SERINC5: variants seen among roughly 807,000 people sequenced by gnomAD.
The protein encoded by SERINC5 is chromosome 5 open reading frame 12.
SERINC5 carries 41 observed loss-of-function variants against 63.1 expected under a neutral mutation model. The ratio of observed to expected loss-of-function variants is 0.65; its 90% confidence interval spans 0.51 to 0.84. SERINC5 has a LOEUF of 0.84. Among genes scored for constraint, SERINC5 ranks in the 40% least tolerant of loss-of-function variants. The pLI, the probability that SERINC5 is intolerant of heterozygous loss-of-function variation, is 0.00. For synonymous variants in SERINC5, 222 were observed against 215.2 expected (o/e 1.03, Z -0.28); for missense variants, 523 against 573.0 (o/e 0.91, Z 0.89).
chr5:80,253,184 T>C (rs1411737021), intron 1 of SERINC5, among the ~76,000 whole-genome samples: 1 of 152,174 alleles, frequency 6.6e-6, no homozygotes, highest in African/African-American at 2.4e-5. Flanking sequence ...CTCTGAAATA[T>C]ACCCAAAGCC....
intron 8 of SERINC5, chr5:80,156,969 CTTTA>C (rs1261229796): frequency 1.4e-5 from 2 of 142,872 alleles, no homozygotes; most frequent in East Asian, 4.2e-4. Flanking sequence ...CCAAACTCTA[CTTTA>C]TTTAAAGGGT....
intron 2 of SERINC5, among the ~76,000 whole-genome samples, chr5:80,182,255 G>A (rs555696087): frequency 2.0e-5 from 3 of 152,196 alleles, no homozygotes; most frequent in South Asian, 4.1e-4. Flanking sequence ...TGACCTTGGC[G>A]TCACTCACAA....
chr5:80,218,797 C>T (rs1034262295), intron 1 of SERINC5, among the ~76,000 whole-genome samples: 5 of 152,242 alleles, frequency 3.3e-5, no homozygotes, highest in South Asian at 2.1e-4. Context: ...AATCACCCCA[C>T]GTGCAGATTC....
intron 5 of SERINC5, among the ~76,000 whole-genome samples, chr5:80,174,405 A>AATAATAATAATAATAAT (rs1561394606): frequency 3.6e-5 from 3 of 84,346 alleles, no homozygotes; most frequent in Non-Finnish European, 7.1e-5. Context: ...ATAATAATAA[A>AATAATAATAATAATAAT]AGAAAAAGAA....
intron 7 of SERINC5, among the ~76,000 whole-genome samples, chr5:80,160,636 G>T (rs1034806565): frequency 2.6e-5 from 4 of 152,106 alleles, no homozygotes; most frequent in Non-Finnish European, 5.9e-5. Flanking sequence ...GGCTTTTAGT[G>T]TATCTATCAC....
downstream of SERINC5, among the ~76,000 whole-genome samples, chr5:80,137,204 T>C (rs1745236935): frequency 6.9e-6 from 1 of 144,070 alleles, no homozygotes; most frequent in African/African-American, 2.5e-5. Flanking sequence ...AAATACCATA[T>C]GATCCAGCAA....
chr5:80,226,042 G>GC (rs1751150260), intron 1 of SERINC5, among the ~76,000 whole-genome samples: 1 of 92,502 alleles, frequency 1.1e-5, no homozygotes, highest in Non-Finnish European at 2.2e-5. Flanking sequence ...TCTCCCCAAA[G>GC]GAAAAAAAAA....
chr5:80,240,147 C>G (rs1476342331), intron 1 of SERINC5, among the ~76,000 whole-genome samples: 1 of 152,186 alleles, frequency 6.6e-6, no homozygotes, highest in African/African-American at 2.4e-5. Context: ...AGGTAGAAAA[C>G]TGCACCAAGC....
intron 2 of SERINC5, among the ~76,000 whole-genome samples, chr5:80,197,356 A>AGAGG (rs2112476169): frequency 1.8e-5 from 1 of 55,786 alleles, no homozygotes; most frequent in African/African-American, 6.5e-5. Flanking sequence ...AGAGAGAGAG[A>AGAGG]GAGAGAGAAC....
chr5:80,142,358 G>A lies in SERINC5; in HGVS notation c.*1305C>T, dbSNP rs890679268. On this transcript the variant is annotated 3_prime_UTR_variant, in exon 12 of 12. Coordinates refer to ENST00000507668, the MANE Select transcript of SERINC5 (RefSeq NM_001174072.3). The stretch of plus-strand genomic sequence containing the variant: ...AAGTGATTCTCATGCCTCAGCCTTC[G>A]AGTAGCTGGCATTACAGGCACACGC... The A allele has an allele frequency of 2.1e-5, 18 of 861,466 alleles. No individual in the cohort carries two copies. The highest frequency in any genetic ancestry group is 5.3e-5 in the South Asian group (1 of 18,838). The allele number at this position is 861,466 out of a possible 1,614,324, so 53.4% of individuals were successfully genotyped here.
At chr5:80,184,838 G>A (rs775083529) in intron 2 of SERINC5, among the ~76,000 whole-genome samples, 2 of 152,114 alleles carry the variant, frequency 1.3e-5, no homozygotes, top group Non-Finnish European at 2.9e-5. Flanking sequence ...CTGGCTCTGG[G>A]CACCCAAGGA....
At chr5:80,119,895 A>G (rs916689850) in intron 11 of SERINC5, among the ~76,000 whole-genome samples, 3 of 152,224 alleles carry the variant, frequency 2.0e-5, no homozygotes, top group African/African-American at 7.2e-5. Flanking sequence ...CAATCAAATT[A>G]TAGTCCAACC....
At chr5:80,231,370 G>A (rs1283427407) in intron 1 of SERINC5, among the ~76,000 whole-genome samples, 1 of 152,158 alleles carries the variant, frequency 6.6e-6, no homozygotes, top group African/African-American at 2.4e-5. Flanking sequence ...AGTGACCACT[G>A]CCACTGTATT....
intron 1 of SERINC5, among the ~76,000 whole-genome samples, chr5:80,213,755 C>T (rs1479627924): frequency 6.6e-6 from 1 of 152,154 alleles, no homozygotes; most frequent in African/African-American, 2.4e-5. Context: ...GCTCAACCAC[C>T]GCAATCACCA....
intron 1 of SERINC5, among the ~76,000 whole-genome samples, chr5:80,235,100 G>T (rs1751625334): frequency 6.6e-6 from 1 of 152,048 alleles, no homozygotes; most frequent in African/African-American, 2.4e-5. Context: ...TACCTCCTCT[G>T]GGCCCTTGGG....
At chr5:80,184,351 T>C (rs1748671926) in intron 2 of SERINC5, among the ~76,000 whole-genome samples, 1 of 152,176 alleles carries the variant, frequency 6.6e-6, no homozygotes, top group Non-Finnish European at 1.5e-5. Flanking sequence ...CTTTCACCTT[T>C]AGACCTTCTC....
chr5:80,176,629 C>T (rs1210943045), intron 4 of SERINC5, among the ~76,000 whole-genome samples: 4 of 152,114 alleles, frequency 2.6e-5, no homozygotes, highest in South Asian at 2.1e-4. Context: ...GATGAGGTTT[C>T]GCCATGTTGG....
At chr5:80,144,801 T>G (rs781009422) in intron 11 of SERINC5, among the ~76,000 whole-genome samples, 1 of 152,208 alleles carries the variant, frequency 6.6e-6, no homozygotes, top group Non-Finnish European at 1.5e-5. Context: ...TCCTGCCTCA[T>G]AGAACCGTGT....
At chr5:80,126,282 G>A (rs2289290) in intron 11 of SERINC5, among the ~76,000 whole-genome samples, 13,024 of 152,228 alleles carry the variant, frequency 0.086, 701 homozygotes, top group East Asian at 0.2. Flanking sequence ...CAAACGAAGA[G>A]TCAATTAAGT....
Sources: allele counts gnomAD v4.1 joint callset (sites outside exome capture counted in the v4.1 genomes callset), GRCh38; gene constraint gnomAD v4.1.1; transcripts MANE v1.5; gene names NCBI Gene and HGNC (gene_info 2026-07-23, HGNC 2026-07-21).